Variants in MARCHF1 observed in about 807,000 individuals in gnomAD.
MARCHF1 encodes the protein E3 ubiquitin-protein ligase MARCHF1.
MARCHF1 carries 40 observed loss-of-function variants against 54.2 expected under a neutral mutation model. The observed-to-expected ratio is 0.74, with a 90% CI of 0.57 to 0.96. The LOEUF is 0.96. MARCHF1 is among the 40% of genes least tolerant of loss of function. MARCHF1 has a pLI of 0.00. For synonymous variants in MARCHF1, 236 were observed against 236.3 expected, an observed-to-expected ratio of 1.00 and a Z score of 0.01; for missense variants, 586 against 656.5, an observed-to-expected ratio of 0.89 and a Z score of 1.17.
chr4:163,958,283 C>T (rs1377373819), intron 3 of MARCHF1, among the ~76,000 whole-genome samples: 1 of 151,206 alleles, frequency 6.6e-6, no homozygotes, highest in Non-Finnish European at 1.5e-5. Flanking sequence ...TTGGTCATTG[C>T]ATTTATCATC....
chr4:164,133,118 T>C (rs963349088), intron 1 of MARCHF1, among the ~76,000 whole-genome samples: 5 of 152,092 alleles, frequency 3.3e-5, no homozygotes, highest in Non-Finnish European at 5.9e-5. Context: ...ACTGGTGTAT[T>C]TGGGAGAAAG....
chr4:163,852,893 G>A (rs1749678813), intron 4 of MARCHF1, among the ~76,000 whole-genome samples: 2 of 152,088 alleles, frequency 1.3e-5, no homozygotes, highest in African/African-American at 4.8e-5. Context: ...AGGTGATTAG[G>A]TCATGAGAGT....
At chr4:164,132,007 T>C (rs1445777564) in intron 1 of MARCHF1, among the ~76,000 whole-genome samples, 5 of 152,144 alleles carry the variant, frequency 3.3e-5, no homozygotes, top group Non-Finnish European at 7.4e-5. Flanking sequence ...TTGAAAAGTA[T>C]TGATTCTTAA....
At chr4:164,038,201 T>TA (rs1361366221) in intron 2 of MARCHF1, among the ~76,000 whole-genome samples, 7 of 152,012 alleles carry the variant, frequency 4.6e-5, no homozygotes, top group African/African-American at 7.2e-5. Flanking sequence ...AAAGCTTAAT[T>TA]AAAAAATAAA....
At chr4:164,375,331 A>G (rs1349589485) in intron 1 of MARCHF1, among the ~76,000 whole-genome samples, 1 of 152,216 alleles carries the variant, frequency 6.6e-6, no homozygotes, top group Non-Finnish European at 1.5e-5. Context: ...ATAACTAGCA[A>G]AAATATATAA....
intron 1 of MARCHF1, among the ~76,000 whole-genome samples, chr4:164,302,416 TAAAAC>T (rs1734584579): frequency 6.6e-6 from 1 of 152,170 alleles, no homozygotes; most frequent in Non-Finnish European, 1.5e-5. Flanking sequence ...TTAAAAATCT[TAAAAC>T]AAATTTTAAT....
chr4:163,612,299 C>T lies in MARCHF1; in HGVS notation c.982G>A (p.Asp328Asn), dbSNP rs1239519909. ...PVQKPPATYD[D>N]GSDNLEVCRI... is the part of the protein sequence containing the mutation. Reference sequence around the variant, plus strand: ...CATACTTCTAAATTATCAGACCCATCGTCATAGGTGGCAGGAGGCTTCTGA... The same window carrying T: ...CATACTTCTAAATTATCAGACCCATTGTCATAGGTGGCAGGAGGCTTCTGA... Residue 328 changes from aspartate to asparagine, a missense_variant, in exon 7 of 10, where the codon GAT becomes AAT. Coordinates refer to ENST00000514618, the MANE Select transcript of MARCHF1 (RefSeq NM_001394959.1). The T allele has an allele frequency of 5.9e-6, 9 of 1,517,542 alleles. No homozygotes were observed. The highest frequency in any genetic ancestry group is 6.1e-6 in the Non-Finnish European group (7 of 1,140,726). 94.0% of individuals were successfully genotyped at this position (1,517,542 alleles called of 1,614,324 possible). A position where few individuals can be genotyped will look rare whatever the true frequency, so the allele number is the denominator to read the frequency against.
chr4:164,055,198 C>T (rs531834929), intron 2 of MARCHF1: 1 of 152,140 alleles, frequency 6.6e-6, no homozygotes, highest in Non-Finnish European at 1.5e-5. Flanking sequence ...AATCCCAGCA[C>T]TTCGGGAAAC....
At chr4:163,978,049 C>T (rs556015132) in intron 3 of MARCHF1, among the ~76,000 whole-genome samples, 36 of 152,206 alleles carry the variant, frequency 2.4e-4, no homozygotes, top group African/African-American at 7.9e-4. Context: ...GCATGTATTT[C>T]GCTATAAATT....
chr4:164,080,982 G>A (rs1755083986), intron 2 of MARCHF1, among the ~76,000 whole-genome samples: 1 of 150,712 alleles, frequency 6.6e-6, no homozygotes, highest in South Asian at 2.1e-4. Context: ...GCCGAGGCGG[G>A]TGGATCATGA....
chr4:164,049,420 T>C (rs1026539385), intron 2 of MARCHF1, among the ~76,000 whole-genome samples: 1 of 151,974 alleles, frequency 6.6e-6, no homozygotes, highest in Non-Finnish European at 1.5e-5. Flanking sequence ...CTCAACAATC[T>C]TGGGGAACAG....
chr4:163,579,709 A>G (rs1380231033), intron 8 of MARCHF1, among the ~76,000 whole-genome samples: 1 of 151,678 alleles, frequency 6.6e-6, no homozygotes, highest in Non-Finnish European at 1.5e-5. Flanking sequence ...GTGAGTATGA[A>G]TTTTTTTTTG....
chr4:163,966,768 C>T lies in MARCHF1; in HGVS notation c.-39+21733G>A, dbSNP rs537092107. 6.6e-5 allele frequency among the ~76,000 whole-genome samples: 10 copies of T among 152,174 alleles called. No individual in the cohort carries two copies. The South Asian group carries it at 2.1e-3, about 32-fold the overall frequency. ...ACTTGTCCAGTGCCACACAGCTCTCCGGTAGCACAGCTGAGTTTCTATTCA... is the reference window on the plus strand; with the variant it reads ...ACTTGTCCAGTGCCACACAGCTCTCTGGTAGCACAGCTGAGTTTCTATTCA... On this transcript the variant is annotated intron_variant, in intron 3 of 9. Transcript: ENST00000514618.
At chr4:163,809,797 A>T (rs1748333089) in intron 4 of MARCHF1, among the ~76,000 whole-genome samples, 1 of 151,264 alleles carries the variant, frequency 6.6e-6, no homozygotes, top group African/African-American at 2.5e-5. Flanking sequence ...GATATTTTTA[A>T]ACAAAAACAA....
At chr4:163,733,519 T>A (rs923773029) in intron 4 of MARCHF1, among the ~76,000 whole-genome samples, 1 of 151,150 alleles carries the variant, frequency 6.6e-6, no homozygotes, top group African/African-American at 2.4e-5. Flanking sequence ...GTTTGTTACA[T>A]ATGTATACAT....
intron 1 of MARCHF1, among the ~76,000 whole-genome samples, chr4:164,246,782 C>T (rs1198252092): frequency 6.5e-5 from 8 of 123,954 alleles, no homozygotes; most frequent in Admixed American, 5.5e-4. Flanking sequence ...ACAACCCCAT[C>T]AAAAAGTGGG....
At chr4:164,188,456 G>A (rs1731034940) in intron 1 of MARCHF1, 1 of 640,322 alleles carries the variant, frequency 1.6e-6, no homozygotes, top group Non-Finnish European at 2.9e-6. Context: ...GGAGGAGGAC[G>A]TGGGCACGGT....
At chr4:163,619,861 A>T (rs1208680391) in intron 5 of MARCHF1, among the ~76,000 whole-genome samples, 1 of 152,178 alleles carries the variant, frequency 6.6e-6, no homozygotes, top group Non-Finnish European at 1.5e-5. Context: ...TCTTATGATG[A>T]TGTAAAACAA....
At chr4:163,633,151 C>T (rs1742171398) in intron 5 of MARCHF1, among the ~76,000 whole-genome samples, 1 of 152,168 alleles carries the variant, frequency 6.6e-6, no homozygotes, top group Non-Finnish European at 1.5e-5. Context: ...GGGGAAAAAA[C>T]AGAACAGAAA....
Sources: gnomAD v4.1 joint callset for allele counts (sites outside exome capture counted in the v4.1 genomes callset) on GRCh38, gnomAD v4.1.1 for gene constraint, MANE v1.5 for transcripts, NCBI Gene and HGNC (gene_info 2026-07-23, HGNC 2026-07-21) for gene names.